The following POLR1C variants were observed in gnomAD, a reference collection of about 807,000 sequenced individuals.
POLR1C encodes the protein RNA polymerase I and III subunit C.
In POLR1C, 42 loss-of-function variants were observed where a neutral mutation model predicts 38.3. The observed-to-expected ratio is 1.10, with a 90% confidence interval of 0.86 to 1.42. The LOEUF (loss-of-function observed/expected upper bound fraction) is 1.42, where lower values mean the gene tolerates loss of function less well. POLR1C is among the 40% of genes most tolerant of loss of function. POLR1C has a pLI of 0.00. For synonymous variants in POLR1C, 163 were observed against 163.9 expected (o/e 0.99, Z 0.04); for missense variants, 507 against 450.5 (o/e 1.13, Z -1.14).
downstream of POLR1C, chr6:43,526,235 G>A (rs531565795): frequency 4.8e-6 from 2 of 420,836 alleles, no homozygotes; most frequent in Non-Finnish European, 8.7e-6. Flanking sequence ...GGGATAAAAG[G>A]TATAGGACAA....
chr6:43,560,440 A>G, intron 10 of POLR1C: 2 of 1,108,122 alleles, frequency 1.8e-6, no homozygotes, highest in Non-Finnish European at 2.5e-6. Flanking sequence ...ACTGCAATTT[A>G]TCAGTAATGA....
At chr6:43,543,764 C>T (rs1156747723) in intron 9 of POLR1C, among the ~76,000 whole-genome samples, 1 of 151,952 alleles carries the variant, frequency 6.6e-6, no homozygotes, top group East Asian at 1.9e-4. Flanking sequence ...GCAACCTCCA[C>T]CTCCCAGGTT....
At chr6:43,561,918 G>A (rs144195546) in exon 11 of POLR1C, 124 of 180,122 alleles carry the variant, frequency 6.9e-4, no homozygotes, top group Non-Finnish European at 1.1e-3. Context: ...TCCATGTTTC[G>A]TGGGCTAACA....
Position 43,520,425 on chromosome 6 carries a change from T to C in POLR1C, c.653T>C (p.Ile218Thr), listed in dbSNP as rs781570004. Residue 218 changes from isoleucine to threonine, a missense_variant and splice_region_variant, in exon 6 of 9, where the codon ATT (isoleucine) becomes ACT (threonine). Ile to Thr is a moderately conservative substitution (Grantham distance 89). Coordinates refer to ENST00000642195, the MANE Select transcript of POLR1C (RefSeq NM_203290.4). ...IDLLMHCVKGIGKDHAKFSPV... is the reference protein window; with the variant it reads ...IDLLMHCVKGTGKDHAKFSPV... ...CTGCTCATGCACTGTGTCAAGGGCA[T>C]TGGTGAGAACCCTGTGTGCCTTCCT... 1 of 1,613,500 alleles carries C rather than the reference T, an allele frequency of 6.2e-7. No individual in the cohort carries two copies. Among genetic ancestry groups the C allele is most frequent in the Non-Finnish European group, 8.5e-7 (1 of 1,180,018 alleles).
chr6:43,545,493 G>A (rs978022039), intron 9 of POLR1C, among the ~76,000 whole-genome samples: 7 of 152,088 alleles, frequency 4.6e-5, no homozygotes, highest in African/African-American at 1.2e-4. Flanking sequence ...GATCACTTGC[G>A]GCCAGGAGTT....
intron 10 of POLR1C, among the ~76,000 whole-genome samples, chr6:43,558,177 C>A (rs556111696): frequency 6.6e-6 from 1 of 151,990 alleles, no homozygotes; most frequent in East Asian, 1.9e-4. Context: ...TGGATTTTTC[C>A]ACTTTTTGGG....
intron 8 of POLR1C, chr6:43,527,014 C>T (rs1161956747): frequency 2.4e-6 from 1 of 420,084 alleles, no homozygotes; most frequent in Non-Finnish European, 4.4e-6. Context: ...CTTGATACAT[C>T]CCTGGTCTAC....
intron 10 of POLR1C, chr6:43,553,593 G>T: frequency 6.8e-7 from 1 of 1,472,340 alleles, no homozygotes; most frequent in Non-Finnish European, 9.0e-7. Context: ...AGAGACAATG[G>T]AGCCTTAGAG....
chr6:43,517,420 G>T lies in POLR1C; in HGVS notation c.141+43G>T, dbSNP rs773408310. On this transcript the variant is annotated intron_variant, in intron 2 of 8. Transcript: ENST00000642195. The stretch of plus-strand genomic sequence containing the variant: ...TGTCTGGGGAGGGTTATGAAGGCCA[G>T]ACCTTGTGGTCTGAGCAGCCTGTGT... The T allele has an allele frequency of 1.8e-5, 28 of 1,547,256 alleles. No individual in the cohort carries two copies. The East Asian group carries it at 5.8e-4, about 32-fold the overall frequency.
In POLR1C at chr6:43,526,645, G is replaced by A. The variant is rs1409101695; in HGVS notation, c.923-2604G>A. On this transcript the variant is annotated intron_variant, in intron 8 of 8. Transcript: ENST00000304004. The stretch of plus-strand genomic sequence containing the variant: ...GGTTCAGAAGGAACAGTATTTAGGA[G>A]GCTAAGAGCAGAACTCCAAGGTCTC... 3 of 1,609,940 alleles carry A rather than the reference G, an allele frequency of 1.9e-6. No individual in the cohort carries two copies. In the Admixed American group the frequency reaches 5.0e-5, roughly 27 times the overall value.
At chr6:43,517,258 C>T in intron 1 of POLR1C, 48 bp from the exon 2 acceptor site, 1 of 1,604,628 alleles carries the variant, frequency 6.2e-7, no homozygotes, top group Non-Finnish European at 8.5e-7. Flanking sequence ...GTGGGGATAG[C>T]TGTGGGCTCA....
intron 10 of POLR1C, among the ~76,000 whole-genome samples, chr6:43,557,576 T>A (rs1762166307): frequency 1.3e-5 from 2 of 151,950 alleles, no homozygotes; most frequent in Admixed American, 6.6e-5. Flanking sequence ...AGAAAGTAGA[T>A]TACTGGTTGC....
chr6:43,522,014 T>G (rs937604804), downstream of POLR1C, among the ~76,000 whole-genome samples: 2 of 152,070 alleles, frequency 1.3e-5, no homozygotes, highest in African/African-American at 2.4e-5. Flanking sequence ...CAAGCTAGAG[T>G]GAATGTGCCA....
intron 9 of POLR1C, among the ~76,000 whole-genome samples, chr6:43,546,039 G>C (rs527586349): frequency 2.6e-5 from 4 of 152,162 alleles, no homozygotes; most frequent in Middle Eastern, 3.4e-3. Context: ...TAATGCTACT[G>C]GTCTTAGGAC....
At chr6:43,548,347 T>C (rs201873137) in intron 9 of POLR1C, 2 of 1,613,734 alleles carry the variant, frequency 1.2e-6, no homozygotes, top group African/African-American at 1.3e-5. Context: ...AGTTCTTAAA[T>C]TGGTTGCTAA....
chr6:43,524,991 G>A, downstream of POLR1C: 1 of 1,609,062 alleles, frequency 6.2e-7, no homozygotes, highest in Non-Finnish European at 8.5e-7. Flanking sequence ...CTGTGCTTTA[G>A]GGCCACAGGG....
At chr6:43,533,186 A>G (rs1794094869), downstream of POLR1C, among the ~76,000 whole-genome samples, 2 of 150,068 alleles carry the variant, frequency 1.3e-5, no homozygotes, top group Admixed American at 6.7e-5. Flanking sequence ...CTTAAAATCT[A>G]TTCCTTTAAA....
intron 9 of POLR1C, among the ~76,000 whole-genome samples, chr6:43,541,057 C>T (rs1167113519): frequency 2.0e-5 from 3 of 151,924 alleles, no homozygotes; most frequent in Non-Finnish European, 2.9e-5. Flanking sequence ...TTAAACAATT[C>T]GACTCATGGA....
downstream of POLR1C, chr6:43,525,249 A>C (rs1793496203): frequency 6.5e-7 from 1 of 1,545,330 alleles, no homozygotes; most frequent in Non-Finnish European, 8.8e-7. Flanking sequence ...ACAATGGAAA[A>C]AGAAGCACAG....
Sources: allele counts gnomAD v4.1 joint callset (sites outside exome capture counted in the v4.1 genomes callset), GRCh38; gene constraint gnomAD v4.1.1; transcripts MANE v1.5; gene names NCBI Gene and HGNC (gene_info 2026-07-23, HGNC 2026-07-21).